Variants in UBE2E2 observed in about 807,000 individuals in gnomAD.
UBE2E2 encodes the protein ubiquitin conjugating enzyme E2 E2.
UBE2E2 carries 6 observed loss-of-function variants against 24.7 expected under a neutral mutation model. That is an observed-to-expected ratio of 0.24 (90% CI 0.13 to 0.48). The LOEUF is 0.48. Among genes scored for constraint, UBE2E2 ranks in the 20% least tolerant of loss-of-function variants. UBE2E2 has a pLI of 0.99. For missense variants in UBE2E2, 169 were observed against 245.0 expected (o/e 0.69, Z 2.07); for synonymous variants, 104 against 83.6 (o/e 1.24, Z -1.33).
At chr3:23,433,823 A>G (rs1698121135) in intron 3 of UBE2E2, among the ~76,000 whole-genome samples, 1 of 152,042 alleles carries the variant, frequency 6.6e-6, no homozygotes, top group Non-Finnish European at 1.5e-5. Context: ...TAATAGAAGT[A>G]TATCATGTCT....
At chr3:23,509,922 GCCGCA>G (rs1559406981) in intron 4 of UBE2E2, among the ~76,000 whole-genome samples, 1 of 151,854 alleles carries the variant, frequency 6.6e-6, no homozygotes, top group South Asian at 2.1e-4. Context: ...ATTTTTTATG[GCCGCA>G]TAGTATTCCA....
Position 23,464,470 on chromosome 3 carries a change from T to G in UBE2E2, c.228-35138T>G, listed in dbSNP as rs915184661. Reference sequence around the variant, plus strand: ...GGACCTTCCAAATACAGGATACTATTCTAAAACCTAATAAGAATAGGGGAG... The same window carrying G: ...GGACCTTCCAAATACAGGATACTATGCTAAAACCTAATAAGAATAGGGGAG... On this transcript the variant is annotated intron_variant, in intron 3 of 5. Coordinates refer to ENST00000396703, the MANE Select transcript of UBE2E2 (RefSeq NM_152653.4). Among the ~76,000 whole-genome samples, 5 of 152,142 alleles carry G rather than the reference T, an allele frequency of 3.3e-5. 1 individual carries two copies. In the East Asian group the frequency reaches 5.8e-4, roughly 18 times the overall value.
intron 4 of UBE2E2, 96 bp downstream of exon 4, chr3:23,499,836 A>G (rs1449359649): frequency 2.2e-6 from 3 of 1,388,686 alleles, no homozygotes; most frequent in African/African-American, 2.9e-5. Flanking sequence ...ATGCATGTCT[A>G]TTCTGTTGTC....
At chr3:23,277,072 TTAA>T (rs1270499576) in intron 3 of UBE2E2, among the ~76,000 whole-genome samples, 3 of 152,190 alleles carry the variant, frequency 2.0e-5, no homozygotes, top group Admixed American at 1.3e-4. Flanking sequence ...GTATGCGTTC[TTAA>T]TAATGTCTGA....
At chr3:23,371,573 A>G (rs1012054634) in intron 3 of UBE2E2, among the ~76,000 whole-genome samples, 2 of 152,194 alleles carry the variant, frequency 1.3e-5, no homozygotes, top group Non-Finnish European at 2.9e-5. Flanking sequence ...CACAGCTGAA[A>G]AACAAGAGCA....
chr3:23,203,154 G>C (rs894137276), upstream of UBE2E2: 2 of 985,186 alleles, frequency 2.0e-6, no homozygotes, highest in African/African-American at 3.5e-5. Context: ...CCCGGAGGTG[G>C]TGGCTTCACT....
intron 3 of UBE2E2, among the ~76,000 whole-genome samples, chr3:23,301,133 A>G (rs970472295): frequency 1.3e-5 from 2 of 152,132 alleles, no homozygotes; most frequent in Admixed American, 6.5e-5. Flanking sequence ...TTTCAGCTCC[A>G]TCAGGTCCTT....
At chr3:23,473,697 T>C (rs951909663) in intron 3 of UBE2E2, among the ~76,000 whole-genome samples, 3 of 152,162 alleles carry the variant, frequency 2.0e-5, no homozygotes, top group Admixed American at 2.0e-4. Context: ...TGGTTTTCCA[T>C]TCCTGAGTTA....
At chr3:23,220,207 ATAT>A (rs1358434088) in intron 3 of UBE2E2, among the ~76,000 whole-genome samples, 1 of 152,176 alleles carries the variant, frequency 6.6e-6, no homozygotes, top group East Asian at 1.9e-4. Context: ...GAATAAACAA[ATAT>A]TATTTTAAAG....
chr3:23,469,047 T>G (rs1698979696), intron 3 of UBE2E2, among the ~76,000 whole-genome samples: 1 of 152,332 alleles, frequency 6.6e-6, no homozygotes, highest in East Asian at 1.9e-4. Flanking sequence ...TACCATGGAC[T>G]GAGTGGATTG....
intron 3 of UBE2E2, among the ~76,000 whole-genome samples, chr3:23,432,150 C>G (rs181205035): frequency 1.4e-4 from 21 of 152,234 alleles, no homozygotes; most frequent in Admixed American, 1.2e-3. Context: ...GTAATTATAT[C>G]ACAAGCAGTC....
chr3:23,315,195 C>T (rs1178538194), intron 3 of UBE2E2, among the ~76,000 whole-genome samples: 1 of 152,156 alleles, frequency 6.6e-6, no homozygotes, highest in Non-Finnish European at 1.5e-5. Flanking sequence ...CTTCCCCTCC[C>T]CTTTCCCCAG....
chr3:23,539,992 T>C (rs1168741633), intron 5 of UBE2E2, among the ~76,000 whole-genome samples: 1 of 152,176 alleles, frequency 6.6e-6, no homozygotes, highest in East Asian at 1.9e-4. Context: ...TAAGTCCCAG[T>C]GTGTCCCTCA....
At chr3:23,563,515 G>T (rs139227935) in intron 5 of UBE2E2, among the ~76,000 whole-genome samples, 1 of 152,112 alleles carries the variant, frequency 6.6e-6, no homozygotes, top group Admixed American at 6.6e-5. Context: ...TGGAATAGGT[G>T]TGTGGTGCTG....
At chr3:23,402,960 T>C (rs1697267824) in intron 3 of UBE2E2, among the ~76,000 whole-genome samples, 1 of 152,166 alleles carries the variant, frequency 6.6e-6, no homozygotes, top group Non-Finnish European at 1.5e-5. Flanking sequence ...TTAAGCTTTA[T>C]GGGCCAAAGG....
intron 3 of UBE2E2, among the ~76,000 whole-genome samples, chr3:23,289,526 T>C (rs1435228629): frequency 6.6e-6 from 1 of 152,196 alleles, no homozygotes; most frequent in East Asian, 1.9e-4. Context: ...GATGGATGAA[T>C]AGGAAGTAGC....
At chr3:23,569,233 A>G (rs1466172959) in intron 5 of UBE2E2, among the ~76,000 whole-genome samples, 1 of 152,184 alleles carries the variant, frequency 6.6e-6, no homozygotes, top group African/African-American at 2.4e-5. Context: ...AAGAGACTAC[A>G]TATTATTCCA....
chr3:23,536,121 G>A (rs1695256911), intron 5 of UBE2E2, among the ~76,000 whole-genome samples: 3 of 152,120 alleles, frequency 2.0e-5, no homozygotes, highest in African/African-American at 4.8e-5. Context: ...ATCTTTTGAA[G>A]TTTGTTTTTG....
intron 3 of UBE2E2, among the ~76,000 whole-genome samples, chr3:23,444,065 G>GTTTTTTTT (rs59171795): frequency 7.7e-5 from 9 of 117,386 alleles, no homozygotes; most frequent in African/African-American, 2.2e-4. Flanking sequence ...CACCAGTTTT[G>GTTTTTTTT]TTTTTTTTTT....
Sources: allele counts gnomAD v4.1 joint callset (sites outside exome capture counted in the v4.1 genomes callset), GRCh38; gene constraint gnomAD v4.1.1; transcripts MANE v1.5; gene names NCBI Gene and HGNC (gene_info 2026-07-23, HGNC 2026-07-21).